Variants in DISC1 observed in about 807,000 individuals in gnomAD.
The protein encoded by DISC1 is DISC1 scaffold protein.
A neutral mutation model predicts 84.5 loss-of-function variants in DISC1; 57 were observed. The ratio of observed to expected loss-of-function variants is 0.67; its 90% CI spans 0.55 to 0.84. DISC1 has a LOEUF of 0.84. DISC1 is among the 40% of genes least tolerant of loss of function. DISC1 has a pLI of 0.00. For synonymous variants in DISC1, 411 were observed against 415.2 expected, an observed-to-expected ratio of 0.99 and a Z score of 0.12; for missense variants, 1,000 against 1,057.8, an observed-to-expected ratio of 0.95 and a Z score of 0.76.
chr1:231,873,783 T>G (rs906165573), intron 9 of DISC1, among the ~76,000 whole-genome samples: 1 of 152,124 alleles, frequency 6.6e-6, no homozygotes, highest in African/African-American at 2.4e-5. Flanking sequence ...AGGGGTTCTG[T>G]GTGGAAAATG....
intron 8 of DISC1, among the ~76,000 whole-genome samples, chr1:231,817,568 T>C (rs1387214757): frequency 1.3e-5 from 2 of 152,218 alleles, no homozygotes; most frequent in African/African-American, 2.4e-5. Flanking sequence ...TCTCAGCAGT[T>C]TTTGAAAAAT....
intron 2 of DISC1, among the ~76,000 whole-genome samples, chr1:231,701,333 T>C (rs889234962): frequency 6.6e-6 from 1 of 152,138 alleles, no homozygotes; most frequent in Non-Finnish European, 1.5e-5. Flanking sequence ...GAGATTTGGG[T>C]GGGGACACAG....
At chr1:231,905,519 G>A (rs1317068709) in intron 9 of DISC1, among the ~76,000 whole-genome samples, 3 of 152,058 alleles carry the variant, frequency 2.0e-5, no homozygotes, top group Non-Finnish European at 4.4e-5. Flanking sequence ...CTGCTTGGGA[G>A]GCTGAGGTGG....
Position 231,964,137 on chromosome 1 carries a change from A to T in DISC1, c.2042+5249A>T, listed in dbSNP as rs145480862. Among the ~76,000 whole-genome samples, 668 of 152,280 alleles carry T rather than the reference A, an allele frequency of 4.4e-3. 12 individuals carry two copies. In the South Asian group the frequency reaches 0.068, roughly 15 times the overall value. ...ACATGAGAGGTGGTCTCCTCCCTTA[A>T]TAAGATTAAGTCTGCCTTGTTCAGG... On this transcript the variant is annotated intron_variant, in intron 10 of 12. Coordinates refer to ENST00000439617, the MANE Select transcript of DISC1 (RefSeq NM_018662.3).
chr1:231,818,300 C>A (rs1330596666), intron 8 of DISC1, 29 bp from the exon 9 acceptor site: 3 of 1,610,648 alleles, frequency 1.9e-6, no homozygotes, highest in Non-Finnish European at 2.5e-6. Flanking sequence ...AGCTTGTTTT[C>A]CCTTCTTCTC....
intron 9 of DISC1, among the ~76,000 whole-genome samples, chr1:231,833,124 A>G (rs550927219): frequency 4.2e-4 from 63 of 150,546 alleles, no homozygotes; most frequent in Middle Eastern, 3.4e-3. Context: ...AATGAGATTC[A>G]GCTGTAGTCC....
chr1:231,845,446 T>C (rs200954014), intron 9 of DISC1, among the ~76,000 whole-genome samples: 9 of 151,864 alleles, frequency 5.9e-5, no homozygotes, highest in Non-Finnish European at 1.2e-4. Context: ...TGTGGTGCCT[T>C]GAAGGTGGGG....
chr1:231,654,293 C>A (rs1338731629), intron 1 of DISC1, among the ~76,000 whole-genome samples: 5 of 150,962 alleles, frequency 3.3e-5, no homozygotes, highest in Non-Finnish European at 1.5e-5. Flanking sequence ...ACATTTATGT[C>A]AAAAATTTGA....
intron 11 of DISC1, among the ~76,000 whole-genome samples, chr1:232,024,017 AT>A (rs902700797): frequency 4.7e-4 from 66 of 139,080 alleles, no homozygotes; most frequent in Admixed American, 1.7e-3. Context: ...CAGTAAAAAT[AT>A]ATATATATAT....
chr1:231,676,131 G>A lies in DISC1; in HGVS notation c.68-17695G>A, dbSNP rs116228119. ...CAAAATGCTGGGATTACAGGCATGGGCCACCGCCCCCATCGTCTGCTGGTA... is the reference window on the plus strand; with the variant it reads ...CAAAATGCTGGGATTACAGGCATGGACCACCGCCCCCATCGTCTGCTGGTA... On this transcript the variant is annotated intron_variant, in intron 1 of 12. Coordinates refer to ENST00000439617, the MANE Select transcript of DISC1 (RefSeq NM_018662.3). Among the ~76,000 whole-genome samples the A allele has an allele frequency of 3.0e-3, 459 of 152,256 alleles. 1 individual carries two copies. The highest frequency in any genetic ancestry group is 0.01 in the African/African-American group (434 of 41,556).
chr1:231,853,125 A>G (rs2125904783), intron 9 of DISC1, among the ~76,000 whole-genome samples: 1 of 152,340 alleles, frequency 6.6e-6, no homozygotes, highest in Middle Eastern at 3.4e-3. Context: ...GCCCTGCTAG[A>G]CATCTTTGCT....
intron 1 of DISC1, among the ~76,000 whole-genome samples, chr1:231,655,217 G>C (rs368035924): frequency 2.4e-4 from 36 of 152,194 alleles, no homozygotes; most frequent in African/African-American, 8.2e-4. Flanking sequence ...CGTACATTGT[G>C]CCCAATATGT....
In DISC1 at chr1:232,009,155, G is replaced by A. The variant is rs956435850; in HGVS notation, c.2307+106G>A. 1.3e-6 allele frequency: 2 copies of A among 1,518,450 alleles called. No individual in the cohort carries two copies. The highest frequency in any genetic ancestry group is 1.8e-4 in the Middle Eastern group (1 of 5,456). The allele number at this position is 1,518,450 out of a possible 1,614,324, so 94.1% of individuals were successfully genotyped here. A position where few individuals can be genotyped will look rare whatever the true frequency, so the allele number is the denominator to read the frequency against. On this transcript the variant is annotated intron_variant, in intron 11 of 12. Transcript: ENST00000439617. The surrounding 1 kb of genome is among the most constrained non-coding windows in gnomAD (Gnocchi z 4.6). ...AAATATTGGGAAGGCTTCCCATTGA[G>A]CATATAAACTTTTAAAAGTTTCAAT... is the stretch of plus-strand genomic sequence containing the variant.
At chr1:232,032,536 A>C (rs1670148606) in intron 12 of DISC1, among the ~76,000 whole-genome samples, 1 of 152,150 alleles carries the variant, frequency 6.6e-6, no homozygotes, top group Non-Finnish European at 1.5e-5. Context: ...TGGGTTCCAA[A>C]GGTGTTTTAA....
At chr1:231,892,763 A>T (rs1296342126) in intron 9 of DISC1, among the ~76,000 whole-genome samples, 1 of 152,162 alleles carries the variant, frequency 6.6e-6, no homozygotes, top group African/African-American at 2.4e-5. Flanking sequence ...ATTTGATTTG[A>T]GCCTTAATGG....
chr1:231,912,064 G>T (rs2089252394), intron 9 of DISC1, among the ~76,000 whole-genome samples: 1 of 152,084 alleles, frequency 6.6e-6, no homozygotes, highest in South Asian at 2.1e-4. Context: ...ATTCTAGTTA[G>T]CCATTCGTCT....
chr1:231,873,898 A>C (rs961272568), intron 9 of DISC1, among the ~76,000 whole-genome samples: 1 of 151,764 alleles, frequency 6.6e-6, no homozygotes, highest in African/African-American at 2.4e-5. Context: ...CTGAATGCTG[A>C]AGTGCAGTGG....
chr1:231,851,845 G>A (rs2083924599), intron 9 of DISC1, among the ~76,000 whole-genome samples: 1 of 152,140 alleles, frequency 6.6e-6, no homozygotes, highest in African/African-American at 2.4e-5. Context: ...TTTACAAAAG[G>A]CTTAGAATAT....
chr1:231,775,958 C>T lies in DISC1; in HGVS notation c.1634+4888C>T, dbSNP rs143115644. Among the ~76,000 whole-genome samples the T allele has an allele frequency of 2.3e-4, 35 of 152,094 alleles. No individual in the cohort carries two copies. The East Asian group carries it at 6.6e-3, about 29-fold the overall frequency. On this transcript the variant is annotated intron_variant, in intron 6 of 12. Coordinates refer to ENST00000439617, the MANE Select transcript of DISC1 (RefSeq NM_018662.3). ...GGGAGGAGAGGGAAAAGATGGGGGA[C>T]ACAGGGAGGAGGTGACAGTGTCCAA...
Sources: gnomAD v4.1 joint callset for allele counts (sites outside exome capture counted in the v4.1 genomes callset) on GRCh38, gnomAD v4.1.1 for gene constraint, Gnocchi (gnomAD v3.1) non-coding constraint, MANE v1.5 for transcripts, NCBI Gene and HGNC (gene_info 2026-07-23, HGNC 2026-07-21) for gene names.